Variants in RREB1 observed in about 807,000 individuals in gnomAD.
RREB1 encodes ras responsive element binding protein 1.
Under a neutral mutation model 117.8 loss-of-function variants are expected in RREB1, and 27 were observed. The observed-to-expected ratio is 0.23, with a 90% confidence interval of 0.17 to 0.32. The LOEUF is 0.32. Among genes scored for constraint, RREB1 ranks in the 10% least tolerant of loss-of-function variants. The pLI is 1.00. For synonymous variants in RREB1, 1,298 were observed against 1,026.7 expected, an observed-to-expected ratio of 1.26 and a Z score of -5.05; for missense variants, 2,577 against 2,378.2, an observed-to-expected ratio of 1.08 and a Z score of -1.74.
At chr6:7,126,246 C>T (rs927029315) in intron 1 of RREB1, among the ~76,000 whole-genome samples, 41 of 151,706 alleles carry the variant, frequency 2.7e-4, no homozygotes, top group African/African-American at 6.1e-4. Flanking sequence ...GTGATCCGCC[C>T]GCCTTGGCCT....
At chr6:7,159,558 T>G (rs1763547163) in intron 1 of RREB1, among the ~76,000 whole-genome samples, 1 of 152,222 alleles carries the variant, frequency 6.6e-6, no homozygotes, top group Non-Finnish European at 1.5e-5. Flanking sequence ...CACTGGGTTA[T>G]TGCCTTGTGT....
chr6:7,168,111 C>T (rs759702739), intron 1 of RREB1, among the ~76,000 whole-genome samples: 17 of 151,870 alleles, frequency 1.1e-4, no homozygotes, highest in Non-Finnish European at 1.3e-4. Context: ...CAAATTTAGC[C>T]GGGTGTGGTG....
In RREB1 at chr6:7,231,723, G is replaced by C. The variant is rs1767993087; in HGVS notation, c.3624G>C (p.Val1208=). The stretch of plus-strand genomic sequence containing the variant: ...CGGAGGACAACACTCAGGATGAGGT[G>C]GCCGGAGCCCCTGCCGACCACCATG... The part of the protein sequence containing the change: ...QTAEDNTQDE[V]AGAPADHHGP... The change falls in exon 10 of 13, where the codon GTG becomes GTC. Residue 1208 remains valine, a synonymous_variant. Coordinates refer to ENST00000379938, the MANE Select transcript of RREB1 (RefSeq NM_001003699.4). 1 of 1,613,724 alleles carries C rather than the reference G, an allele frequency of 6.2e-7. No individual in the cohort carries two copies. Among genetic ancestry groups the C allele is most frequent in the Non-Finnish European group, 8.5e-7 (1 of 1,179,978 alleles).
chr6:7,220,543 C>T lies in RREB1; in HGVS notation c.708-5924C>T, dbSNP rs193302601. On this transcript the variant is annotated intron_variant, in intron 8 of 12. Coordinates refer to ENST00000379938, the MANE Select transcript of RREB1 (RefSeq NM_001003699.4). ...AAATTCTACAAAGAGATACACTTCCCCCAAATACATTTACTTTACTGACAG... is the reference window on the plus strand; with the variant it reads ...AAATTCTACAAAGAGATACACTTCCTCCAAATACATTTACTTTACTGACAG... Among the ~76,000 whole-genome samples, 8 of 152,246 alleles carry T rather than the reference C, an allele frequency of 5.3e-5. No homozygotes were observed. The East Asian group carries it at 1.5e-3, about 29-fold the overall frequency.
At position 7,135,335 on chromosome 6, in the gene RREB1, T is replaced by C. The variant is rs78464371; in HGVS notation, c.-285+27275T>C. On this transcript the variant is annotated intron_variant, in intron 1 of 12. Coordinates refer to ENST00000379938, the MANE Select transcript of RREB1 (RefSeq NM_001003699.4). ...GGATGGAAGCTATTGGAAAGTACCA[T>C]ATAAAGGATTAGGACCGTAAATCCA... 8.7e-3 allele frequency among the ~76,000 whole-genome samples: 1,326 copies of C among 152,292 alleles called. 22 individuals carry two copies. Among genetic ancestry groups the C allele is most frequent in the African/African-American group, 0.031 (1,284 of 41,554 alleles).
intron 8 of RREB1, among the ~76,000 whole-genome samples, chr6:7,221,853 A>T (rs1379638582): frequency 6.6e-6 from 1 of 152,206 alleles, no homozygotes; most frequent in Non-Finnish European, 1.5e-5. Flanking sequence ...TTGAAATTAA[A>T]ACTCAGGTTT....
chr6:7,248,484 T>C (rs762931319), intron 12 of RREB1, 27 bp from the exon 13 acceptor site: 36 of 1,606,130 alleles, frequency 2.2e-5, no homozygotes, highest in African/African-American at 5.3e-5. Context: ...TTTTGGTTAA[T>C]GGAAATTCTT....
chr6:7,153,677 T>C (rs1315136922), intron 1 of RREB1, among the ~76,000 whole-genome samples: 1 of 152,198 alleles, frequency 6.6e-6, no homozygotes, highest in Non-Finnish European at 1.5e-5. Context: ...ATCTGTTTGA[T>C]AGGTTGGGCT....
intron 6 of RREB1, among the ~76,000 whole-genome samples, chr6:7,196,112 C>T (rs193069665): frequency 4.1e-4 from 63 of 152,200 alleles, no homozygotes; most frequent in African/African-American, 1.2e-3. Flanking sequence ...TGCACACCTC[C>T]GTGTGTGTGC....
At chr6:7,233,096 A>G (rs1267521802) in intron 10 of RREB1, among the ~76,000 whole-genome samples, 3 of 152,162 alleles carry the variant, frequency 2.0e-5, no homozygotes, top group Non-Finnish European at 4.4e-5. Flanking sequence ...GGGTTTCACC[A>G]TGTTGGCCAG....
chr6:7,235,907 G>C (rs959900567), intron 10 of RREB1, among the ~76,000 whole-genome samples: 2 of 152,286 alleles, frequency 1.3e-5, no homozygotes, highest in Admixed American at 1.3e-4. Flanking sequence ...CCCGGCTCAG[G>C]TTCCAGGAAC....
rs376220493 is a variant in RREB1 at position 7,231,395 on chromosome 6, C to A, written c.3296C>A (p.Thr1099Lys). 1 of 1,613,418 alleles carries A rather than the reference C, an allele frequency of 6.2e-7. No individual in the cohort carries two copies. The highest frequency in any genetic ancestry group is 8.5e-7 in the Non-Finnish European group (1 of 1,179,954). The change falls in exon 10 of 13, where the codon ACG (threonine) becomes AAG (lysine). Residue 1099 changes from threonine (T) to lysine (K), a missense_variant. Transcript: ENST00000379938. ...CCCGCAAGCACTGGCAGTAACACCACGGCTTCAGACAGCTTAGGAGGTTCT... is the reference window on the plus strand; with the variant it reads ...CCCGCAAGCACTGGCAGTAACACCAAGGCTTCAGACAGCTTAGGAGGTTCT... The part of the protein sequence containing the change: ...PGPASTGSNT[T>K]ASDSLGGSVP...
chr6:7,131,291 A>C (rs508362), intron 1 of RREB1, among the ~76,000 whole-genome samples: 1 of 152,066 alleles, frequency 6.6e-6, no homozygotes, highest in African/African-American at 2.4e-5. Context: ...CTTTCTGTGC[A>C]TTATCTTCAT....
intron 6 of RREB1, among the ~76,000 whole-genome samples, chr6:7,207,286 C>T (rs1404304206): frequency 2.6e-5 from 4 of 152,200 alleles, no homozygotes; most frequent in Admixed American, 2.6e-4. Context: ...AAATTCATAT[C>T]TCTAGTGCTC....
At chr6:7,215,196 T>C (rs1002000245) in intron 8 of RREB1, 1 of 152,286 alleles carries the variant, frequency 6.6e-6, no homozygotes, top group Non-Finnish European at 1.5e-5. Context: ...TTGCTGGGCA[T>C]TGAATGTCCA....
intron 1 of RREB1, chr6:7,140,765 G>C (rs1762529653): frequency 6.6e-6 from 1 of 152,240 alleles, no homozygotes; most frequent in African/African-American, 2.4e-5. Flanking sequence ...TGTTCCTTAG[G>C]GTGGTGTCCC....
At chr6:7,173,195 A>G (rs941973723) in intron 1 of RREB1, among the ~76,000 whole-genome samples, 3 of 152,116 alleles carry the variant, frequency 2.0e-5, no homozygotes, top group African/African-American at 4.8e-5. Context: ...GGCCTCTACC[A>G]TCATCCTAGG....
chr6:7,123,677 C>T (rs574908978), intron 1 of RREB1, among the ~76,000 whole-genome samples: 2 of 148,426 alleles, frequency 1.3e-5, no homozygotes, highest in South Asian at 2.1e-4. Context: ...GTGGCGTGAC[C>T]TCAGCTCACT....
chr6:7,125,312 A>T (rs1761859473), intron 1 of RREB1, among the ~76,000 whole-genome samples: 1 of 152,178 alleles, frequency 6.6e-6, no homozygotes, highest in Non-Finnish European at 1.5e-5. Context: ...CCAAGTATGG[A>T]ATTGTCACCC....
Sources: allele counts gnomAD v4.1 joint callset (sites outside exome capture counted in the v4.1 genomes callset), GRCh38; gene constraint gnomAD v4.1.1; transcripts MANE v1.5; gene names NCBI Gene and HGNC (gene_info 2026-07-23, HGNC 2026-07-21).